The following NRXN1 variants were observed in gnomAD, a reference collection of about 807,000 sequenced individuals.
NRXN1 encodes neurexin 1.
A neutral mutation model predicts 150.9 loss-of-function variants in NRXN1; 39 were observed. That is an observed-to-expected ratio of 0.26 (90% CI 0.20 to 0.34). NRXN1 has a LOEUF of 0.34. Among genes scored for constraint, NRXN1 ranks in the 10% least tolerant of loss-of-function variants. The probability of loss-of-function intolerance (pLI) is 1.00; values close to 1 mark genes in which losing one functional copy is unlikely to be tolerated. For missense variants in NRXN1, 1,815 were observed against 1,949.9 expected (o/e 0.93, Z 1.30); for synonymous variants, 924 against 757.0 (o/e 1.22, Z -3.62).
chr2:50,599,524 T>A (rs1420036364), intron 8 of NRXN1, among the ~76,000 whole-genome samples: 7 of 152,170 alleles, frequency 4.6e-5, no homozygotes, highest in Non-Finnish European at 8.8e-5. Context: ...AAAGAAAACA[T>A]ACTTGGGAAT....
chr2:50,726,525 AT>A (rs1244764548), intron 5 of NRXN1, among the ~76,000 whole-genome samples: 1 of 152,182 alleles, frequency 6.6e-6, no homozygotes, highest in African/African-American at 2.4e-5. Context: ...AACTATTTTA[AT>A]TGTGCTACAC....
intron 18 of NRXN1, among the ~76,000 whole-genome samples, chr2:50,228,027 T>A (rs1050448832): frequency 2.0e-5 from 3 of 152,032 alleles, no homozygotes; most frequent in African/African-American, 7.2e-5. Flanking sequence ...AAATTTAGAT[T>A]CTGAAATGAG....
intron 18 of NRXN1, among the ~76,000 whole-genome samples, chr2:50,185,881 G>C (rs2061037596): frequency 6.6e-6 from 1 of 151,916 alleles, no homozygotes; most frequent in African/African-American, 2.4e-5. Context: ...AAATTACCTT[G>C]GTTTAAAATA....
chr2:50,233,541 C>T (rs2065155506), intron 18 of NRXN1, among the ~76,000 whole-genome samples: 1 of 151,938 alleles, frequency 6.6e-6, no homozygotes, highest in Non-Finnish European at 1.5e-5. Flanking sequence ...AATGATGGAG[C>T]ATCTCTTAAT....
At chr2:50,311,189 G>A (rs10490230) in intron 17 of NRXN1, among the ~76,000 whole-genome samples, 24,278 of 151,934 alleles carry the variant, frequency 0.16, 2,421 homozygotes, top group African/African-American at 0.28. Flanking sequence ...AGGGTACCTC[G>A]TCTTCTCTTT....
In NRXN1 at chr2:50,514,201, T is replaced by C. The variant is rs568440096; in HGVS notation, c.2375-7584A>G. 8.5e-5 allele frequency among the ~76,000 whole-genome samples: 13 copies of C among 152,322 alleles called. No individual in the cohort carries two copies. In the East Asian group the frequency reaches 2.5e-3, roughly 29 times the overall value. On this transcript the variant is annotated intron_variant, in intron 12 of 22. Transcript: ENST00000401669. ...ACCATCACCTAACAAATTGCACAGATGATGGACAGGCAGGAATTTTTTAAA... is the reference window on the plus strand; with the variant it reads ...ACCATCACCTAACAAATTGCACAGACGATGGACAGGCAGGAATTTTTTAAA...
At chr2:50,386,633 T>A (rs1369913264) in intron 17 of NRXN1, among the ~76,000 whole-genome samples, 4 of 152,190 alleles carry the variant, frequency 2.6e-5, no homozygotes, top group Non-Finnish European at 5.9e-5. Flanking sequence ...GAGCTACTGA[T>A]GGCATCTTAT....
intron 2 of NRXN1, among the ~76,000 whole-genome samples, chr2:51,022,613 G>A (rs1024733975): frequency 2.0e-5 from 3 of 152,020 alleles, no homozygotes; most frequent in African/African-American, 7.2e-5. Context: ...GAGTTTCTGT[G>A]ACTCAGAGCC....
At chr2:51,003,561 CTG>C (rs1416347553) in intron 2 of NRXN1, among the ~76,000 whole-genome samples, 1 of 151,900 alleles carries the variant, frequency 6.6e-6, no homozygotes, top group African/African-American at 2.4e-5. Flanking sequence ...TTTGGAGTAA[CTG>C]TGTAAGACAT....
chr2:49,992,359 G>GA (rs1183987717), intron 21 of NRXN1, among the ~76,000 whole-genome samples: 1 of 150,862 alleles, frequency 6.6e-6, no homozygotes, highest in Non-Finnish European at 1.5e-5. Context: ...ACAACATGGT[G>GA]AAACTCCGTC....
chr2:50,478,760 T>TAA (rs1291547868), intron 15 of NRXN1, among the ~76,000 whole-genome samples: 1 of 152,206 alleles, frequency 6.6e-6, no homozygotes, highest in Non-Finnish European at 1.5e-5. Context: ...TCATGTTGTG[T>TAA]AACAGCCACA....
chr2:51,002,895 T>C (rs1253376560), intron 2 of NRXN1, among the ~76,000 whole-genome samples: 1 of 151,916 alleles, frequency 6.6e-6, no homozygotes, highest in Non-Finnish European at 1.5e-5. Flanking sequence ...CTTCTAACTC[T>C]AAAATTCTAT....
intron 5 of NRXN1, among the ~76,000 whole-genome samples, chr2:50,755,619 A>G (rs553553553): frequency 6.6e-6 from 1 of 151,912 alleles, no homozygotes; most frequent in African/African-American, 2.4e-5. Flanking sequence ...GCTTTAAACC[A>G]CAAAACCAAA....
intron 21 of NRXN1, among the ~76,000 whole-genome samples, chr2:49,944,227 T>G (rs772226614): frequency 1.3e-5 from 2 of 152,230 alleles, no homozygotes; most frequent in African/African-American, 4.8e-5. Flanking sequence ...CACGACTATG[T>G]AGAGTTTGAT....
At chr2:50,772,447 T>G (rs1054777623) in intron 5 of NRXN1, among the ~76,000 whole-genome samples, 11 of 151,058 alleles carry the variant, frequency 7.3e-5, no homozygotes, top group African/African-American at 2.7e-4. Context: ...AACATAAAAG[T>G]AAACTTAAAA....
chr2:50,002,425 A>T (rs1684101127), intron 21 of NRXN1, among the ~76,000 whole-genome samples: 1 of 152,132 alleles, frequency 6.6e-6, no homozygotes. Context: ...TACTCTAGTC[A>T]AGATTTCTCC....
intron 13 of NRXN1, among the ~76,000 whole-genome samples, chr2:50,499,623 T>A (rs2091837555): frequency 6.6e-6 from 1 of 152,126 alleles, no homozygotes; most frequent in Non-Finnish European, 1.5e-5. Flanking sequence ...AACATTGAAT[T>A]AAGAAGCTAA....
intron 2 of NRXN1, among the ~76,000 whole-genome samples, chr2:50,942,923 C>T (rs1689705898): frequency 6.6e-6 from 1 of 152,140 alleles, no homozygotes; most frequent in Admixed American, 6.6e-5. Context: ...CATGGTTTGG[C>T]TCTGTGTCCC....
chr2:50,401,499 A>G (rs1171362956), intron 17 of NRXN1, among the ~76,000 whole-genome samples: 2 of 152,044 alleles, frequency 1.3e-5, no homozygotes, highest in Non-Finnish European at 2.9e-5. Flanking sequence ...CCATAAAACT[A>G]AAATTTCTAA....
Sources: allele counts gnomAD v4.1 joint callset (sites outside exome capture counted in the v4.1 genomes callset), GRCh38; gene constraint gnomAD v4.1.1; transcripts MANE v1.5; gene names NCBI Gene and HGNC (gene_info 2026-07-23, HGNC 2026-07-21).